SHISA7: variants seen among roughly 807,000 people sequenced by gnomAD.
SHISA7 encodes the protein protein shisa-7.
Under a neutral mutation model 23.9 loss-of-function variants are expected in SHISA7, and 6 were observed. The ratio of observed to expected loss-of-function variants is 0.25; its 90% CI spans 0.14 to 0.50. The LOEUF is 0.50. SHISA7 is among the 20% of genes least tolerant of loss of function. SHISA7 has a pLI of 0.98. For missense variants in SHISA7, 671 were observed against 801.1 expected (o/e 0.84, Z 1.96); for synonymous variants, 386 against 398.3 (o/e 0.97, Z 0.37).
chr19:55,440,031 T>C (rs1272273096), intron 2 of SHISA7, among the ~76,000 whole-genome samples: 1 of 150,744 alleles, frequency 6.6e-6, no homozygotes, highest in East Asian at 1.9e-4. Context: ...AAATATATAA[T>C]TATATATATT....
At chr19:55,437,879 C>T (rs912813273) in intron 2 of SHISA7, 125 bp from the exon 3 acceptor site, 127 of 1,185,040 alleles carry the variant, frequency 1.1e-4, no homozygotes, top group Non-Finnish European at 1.4e-4. Flanking sequence ...CCTTCAGACC[C>T]AGGAGTGCAG....
intron 3 of SHISA7, among the ~76,000 whole-genome samples, chr19:55,435,953 CATGT>C (rs35651822): frequency 0.38 from 55,862 of 147,974 alleles, 11,361 homozygotes; most frequent in East Asian, 0.79. Flanking sequence ...AAAATATACA[CATGT>C]GTGTGTGTGT....
At chr19:55,440,546 G>A in intron 2 of SHISA7, 65 bp downstream of exon 2, 2 of 1,237,776 alleles carry the variant, frequency 1.6e-6, no homozygotes, top group African/African-American at 1.6e-5. Context: ...CATGGAGGGC[G>A]GGGCTACATG....
intron 3 of SHISA7, among the ~76,000 whole-genome samples, chr19:55,435,034 CTG>C (rs1382170007): frequency 5.1e-4 from 6 of 11,794 alleles, no homozygotes; most frequent in Admixed American, 3.1e-3. Context: ...GGGTGTGTGG[CTG>C]TGTGGTGTGT....
intron 3 of SHISA7, among the ~76,000 whole-genome samples, chr19:55,435,082 TG>T (rs1985398309): frequency 1.9e-5 from 1 of 51,364 alleles, no homozygotes; most frequent in Non-Finnish European, 3.8e-5. Flanking sequence ...GTGTGTGTGG[TG>T]TGTGTGGTGT....
chr19:55,434,045 T>C (rs1985289354), intron 3 of SHISA7, among the ~76,000 whole-genome samples: 2 of 151,842 alleles, frequency 1.3e-5, no homozygotes, highest in East Asian at 3.9e-4. Flanking sequence ...AGAACCCAAC[T>C]CTTGCTTTTG....
intron 3 of SHISA7, among the ~76,000 whole-genome samples, chr19:55,437,203 C>T (rs1007485531): frequency 6.6e-6 from 1 of 152,144 alleles, no homozygotes; most frequent in Non-Finnish European, 1.5e-5. Context: ...CGAGGGGAGA[C>T]TCTCTGAAAA....
At chr19:55,442,160 G>T in intron 1 of SHISA7, 33 bp downstream of exon 1, 1 of 1,513,302 alleles carries the variant, frequency 6.6e-7, no homozygotes. Context: ...CCCGCCCCAG[G>T]CTCGCAGTCC....
intron 1 of SHISA7, 144 bp downstream of exon 1, chr19:55,442,049 C>T: frequency 1.2e-6 from 1 of 808,574 alleles, no homozygotes; most frequent in Non-Finnish European, 1.8e-6. Context: ...CAGCCCCTGC[C>T]CACCTTCAGC....
At chr19:55,439,533 G>A (rs1366818027) in intron 2 of SHISA7, among the ~76,000 whole-genome samples, 2 of 152,096 alleles carry the variant, frequency 1.3e-5, no homozygotes, top group East Asian at 1.9e-4. Flanking sequence ...GGACGGAGGC[G>A]GAGTTCCTCA....
Position 55,442,936 on chromosome 19 carries a change from G to A in SHISA7, c.-73C>T. ...AGAGCAGAGGTTGGAGCGCTGGGCG[G>A]GAGAGAAACGGTCAGAGGGTGAGAA... On this transcript the variant is annotated 5_prime_UTR_variant, in exon 1 of 4. Coordinates refer to ENST00000376325, the MANE Select transcript of SHISA7 (RefSeq NM_001145176.2). 4 of 925,158 alleles carry A rather than the reference G, an allele frequency of 4.3e-6. No individual in the cohort carries two copies. The highest frequency in any genetic ancestry group is 3.2e-5 in the South Asian group (1 of 31,056). The allele number at this position is 925,158 out of a possible 1,614,324, so 57.3% of individuals were successfully genotyped here.
At chr19:55,442,062 C>A in intron 1 of SHISA7, 131 bp downstream of exon 1, 1 of 925,140 alleles carries the variant, frequency 1.1e-6, no homozygotes, top group East Asian at 3.2e-5. Context: ...CCTTCAGCTA[C>A]GCCGGCGGCC....
chr19:55,429,680 TG>T lies in SHISA7; in HGVS notation c.*3475del. ...GGAGGGGCGTGTAGCCCTTTAAGAG[TG>T]GGGGAATGGCCGCCCCCGCAACATG... On this transcript the variant is annotated 3_prime_UTR_variant, in exon 4 of 4. Transcript: ENST00000376325. The T allele has an allele frequency of 6.6e-6, 1 of 151,426 alleles. No individual in the cohort carries two copies. Among genetic ancestry groups the T allele is most frequent in the Non-Finnish European group, 1.5e-5 (1 of 67,786 alleles). The allele number at this position is 151,426 out of a possible 1,614,324, so 9.4% of individuals were successfully genotyped here. A position where few individuals can be genotyped will look rare whatever the true frequency, so the allele number is the denominator to read the frequency against.
Position 55,433,374 on chromosome 19 carries a change from C to T in SHISA7, c.1399G>A (p.Gly467Arg), listed in dbSNP as rs992582350. The T allele has an allele frequency of 6.7e-6, 9 of 1,345,180 alleles. No individual in the cohort carries two copies. The highest frequency in any genetic ancestry group is 5.7e-5 in the South Asian group (3 of 52,626). The allele number at this position is 1,345,180 out of a possible 1,614,324, so 83.3% of individuals were successfully genotyped here. The change falls in exon 4 of 4, where the codon GGG becomes AGG. Residue 467 changes from glycine (G) to arginine (R), a missense_variant. Physicochemically the swap from Gly to Arg is moderately radical, Grantham distance 125. Around this residue, in one of 5 missense-constraint regions of SHISA7, gnomAD observed 457 missense variants for 488.3 expected, o/e 0.94. Transcript: ENST00000376325. The surrounding 1 kb of genome is among the most constrained non-coding windows in gnomAD (Gnocchi z 8.4). ...GPGGPPTPLR[G>R]LPPPSSLHAH... The stretch of plus-strand genomic sequence containing the variant: ...TGCAGGCTGGACGGTGGCGGCAGCC[C>T]GCGCAGCGGTGTTGGGGGCCCCCCG...
Position 55,433,747 on chromosome 19 carries a change from C to T in SHISA7, c.1026G>A (p.Leu342=). 3 of 1,457,354 alleles carry T rather than the reference C, an allele frequency of 2.1e-6. No homozygotes were observed. Among genetic ancestry groups the T allele is most frequent in the Non-Finnish European group, 2.7e-6 (3 of 1,114,898 alleles). The allele number at this position is 1,457,354 out of a possible 1,614,324, so 90.3% of individuals were successfully genotyped here. ...CGTGCAGGGGCAGCGTGCCGCGGGG[C>T]AATTCCAGGGGCCGGCGCTTCAGGT... is the stretch of plus-strand genomic sequence containing the variant. ...EAYLKRRPLE[L]PRGTLPLHAL... is the part of the protein sequence containing the mutation. Residue 342 remains leucine (L), a synonymous_variant, in exon 4 of 4, where the codon TTG becomes TTA. Transcript: ENST00000376325. This position sits in a 1 kb window ranked among gnomAD's most constrained non-coding sequence, Gnocchi z 8.4.
rs1297006635 is a variant in SHISA7 at position 55,443,107 on chromosome 19, G to T, written c.-244C>A. 1.3e-5 allele frequency among the ~76,000 whole-genome samples: 2 copies of T among 151,566 alleles called. No homozygotes were observed. Among genetic ancestry groups the T allele is most frequent in the Admixed American group, 6.6e-5 (1 of 15,220 alleles). On this transcript the variant is annotated 5_prime_UTR_variant, in exon 1 of 4. Transcript: ENST00000376325. ...GGCCGCCCCACGCGCGGTGGGCGACGATGGGAGAGTAATGGAAACGCGCCC... is the reference window on the plus strand; with the variant it reads ...GGCCGCCCCACGCGCGGTGGGCGACTATGGGAGAGTAATGGAAACGCGCCC...
Position 55,442,785 on chromosome 19 carries a change from C to G in SHISA7, c.79G>C (p.Ala27Pro). 2.4e-6 allele frequency: 3 copies of G among 1,266,224 alleles called. No homozygotes were observed. The highest frequency in any genetic ancestry group is 3.0e-6 in the Non-Finnish European group (3 of 1,006,450). The allele number at this position is 1,266,224 out of a possible 1,614,324, so 78.4% of individuals were successfully genotyped here. Residue 27 changes from alanine (A) to proline (P), a missense_variant, in exon 1 of 4, where the codon GCC (alanine) becomes CCC (proline). Ala to Pro is a conservative substitution (Grantham distance 27). This residue lies in a region of SHISA7 where 96 missense variants were observed against 113.1 expected (regional missense o/e 0.85). Transcript: ENST00000376325. ...ARARPSNATS[A>P]EPAGPLPALL... is the part of the protein sequence containing the mutation. Reference sequence around the variant, plus strand: ...GCGGGCAGCGGGCCCGCGGGCTCGGCGCTCGTGGCGTTGGACGGGCGCGCC... The same window carrying G: ...GCGGGCAGCGGGCCCGCGGGCTCGGGGCTCGTGGCGTTGGACGGGCGCGCC...
At chr19:55,438,873 C>G (rs996473974) in intron 2 of SHISA7, among the ~76,000 whole-genome samples, 4 of 126,328 alleles carry the variant, frequency 3.2e-5, no homozygotes, top group Non-Finnish European at 4.9e-5. Context: ...TCTTAGCACC[C>G]CCCCCCCTGG....
intron 2 of SHISA7, chr19:55,438,708 C>G: frequency 1.7e-6 from 2 of 1,181,974 alleles, no homozygotes; most frequent in Non-Finnish European, 2.3e-6. Context: ...CTGGGAAGGA[C>G]TCTGGCCCCA....
Sources: gnomAD v4.1 joint callset for allele counts (sites outside exome capture counted in the v4.1 genomes callset) on GRCh38, gnomAD v4.1.1 for gene constraint, gnomAD v4.1.1 regional missense constraint, Gnocchi (gnomAD v3.1) non-coding constraint, MANE v1.5 for transcripts, NCBI Gene and HGNC (gene_info 2026-07-23, HGNC 2026-07-21) for gene names.